The following EPHA6 variants were observed in gnomAD, a reference collection of about 807,000 sequenced individuals.
EPHA6 encodes the protein EPH receptor A6.
In EPHA6, 50 loss-of-function variants were observed where a neutral mutation model predicts 112.0. The observed-to-expected ratio is 0.45, with a 90% CI of 0.36 to 0.56. The LOEUF (loss-of-function observed/expected upper bound fraction) is 0.56, where lower values mean the gene tolerates loss of function less well. EPHA6 is among the 20% of genes least tolerant of loss of function. The pLI, the probability that EPHA6 is intolerant of heterozygous loss-of-function variation, is 0.00. For synonymous variants in EPHA6, 529 were observed against 490.7 expected (o/e 1.08, Z -1.03); for missense variants, 1,280 against 1,417.4 (o/e 0.90, Z 1.56).
At chr3:97,730,902 T>C (rs1398753428) in intron 15 of EPHA6, among the ~76,000 whole-genome samples, 1 of 152,110 alleles carries the variant, frequency 6.6e-6, no homozygotes, top group African/African-American at 2.4e-5. Flanking sequence ...ATGTTTTGTA[T>C]TGGCTGGAGC....
intron 14 of EPHA6, among the ~76,000 whole-genome samples, chr3:97,684,141 T>C (rs989046117): frequency 6.6e-6 from 1 of 152,204 alleles, no homozygotes; most frequent in Non-Finnish European, 1.5e-5. Flanking sequence ...TCACTGAGAA[T>C]GGATGCTACT....
intron 6 of EPHA6, among the ~76,000 whole-genome samples, chr3:97,443,773 T>G (rs1346936018): frequency 6.6e-6 from 1 of 152,184 alleles, no homozygotes. Flanking sequence ...CATATAAACA[T>G]AGTCTAATGA....
chr3:97,672,158 A>G (rs960914100), intron 14 of EPHA6, among the ~76,000 whole-genome samples: 3 of 152,228 alleles, frequency 2.0e-5, no homozygotes, highest in African/African-American at 7.2e-5. Flanking sequence ...GGACTAAATT[A>G]TATAATAAGT....
intron 5 of EPHA6, among the ~76,000 whole-genome samples, chr3:97,345,950 CA>C (rs892936647): frequency 3.3e-5 from 5 of 152,018 alleles, no homozygotes; most frequent in African/African-American, 1.2e-4. Flanking sequence ...TAACCTTTTT[CA>C]AGACTATCTT....
intron 16 of EPHA6, among the ~76,000 whole-genome samples, chr3:97,737,920 G>A (rs1226171851): frequency 6.6e-6 from 1 of 152,114 alleles, no homozygotes; most frequent in African/African-American, 2.4e-5. Flanking sequence ...CAGGAAAAGA[G>A]GGAAGAGCAG....
intron 11 of EPHA6, 138 bp downstream of exon 11, chr3:97,532,681 T>C: frequency 1.4e-6 from 1 of 706,378 alleles, no homozygotes; most frequent in East Asian, 2.9e-5. Flanking sequence ...CCTCAGAGAC[T>C]TGATCCTAGG....
At chr3:96,870,186 T>C (rs541845993) in intron 2 of EPHA6, among the ~76,000 whole-genome samples, 4 of 152,182 alleles carry the variant, frequency 2.6e-5, no homozygotes, top group African/African-American at 9.6e-5. Context: ...ATTTTGGGAA[T>C]TGGCTCACAT....
At chr3:97,042,690 GC>G (rs1216765028) in intron 3 of EPHA6, among the ~76,000 whole-genome samples, 1 of 152,114 alleles carries the variant, frequency 6.6e-6, no homozygotes. Context: ...TTTCGCTATA[GC>G]AGGCAAGGTT....
At chr3:96,890,148 G>A (rs1013087731) in intron 2 of EPHA6, among the ~76,000 whole-genome samples, 1 of 151,194 alleles carries the variant, frequency 6.6e-6, no homozygotes, top group Admixed American at 6.6e-5. Flanking sequence ...AAATATAAAC[G>A]ATATTACATA....
intron 5 of EPHA6, among the ~76,000 whole-genome samples, chr3:97,364,401 A>G (rs1233518485): frequency 1.3e-5 from 2 of 151,422 alleles, no homozygotes; most frequent in Admixed American, 6.6e-5. Context: ...TTCTGTTATA[A>G]GTATTTCAGG....
chr3:97,675,538 A>G (rs1216470315), intron 14 of EPHA6, among the ~76,000 whole-genome samples: 7 of 152,138 alleles, frequency 4.6e-5, no homozygotes, highest in African/African-American at 1.4e-4. Context: ...AAGAATCTAC[A>G]TAATATAATT....
At position 97,484,054 on chromosome 3, in the gene EPHA6, G is replaced by C. The variant is rs1424648528; in HGVS notation, c.2195G>C (p.Gly732Ala). The C allele has an allele frequency of 1.9e-6, 3 of 1,595,210 alleles. No homozygotes were observed. The Admixed American group carries it at 5.3e-5, about 28-fold the overall frequency. ...AGAATTCGTATTGAGAGAGTCATTG[G>C]GGCAGGTAAATGTCAAATCTACACT... is the stretch of plus-strand genomic sequence containing the variant. ...PSRIRIERVI[G>A]AGEFGEVCSG... Residue 732 changes from glycine to alanine, a missense_variant, in exon 10 of 18, where the codon GGG becomes GCG. Around this residue, in one of 4 missense-constraint regions of EPHA6, gnomAD observed 878 missense variants for 999.7 expected, o/e 0.88. Coordinates refer to ENST00000389672, the MANE Select transcript of EPHA6 (RefSeq NM_001080448.3).
At chr3:97,256,201 A>T (rs1463051838) in intron 5 of EPHA6, among the ~76,000 whole-genome samples, 1 of 151,986 alleles carries the variant, frequency 6.6e-6, no homozygotes, top group Non-Finnish European at 1.5e-5. Context: ...ACTAATTTTA[A>T]TTTTATTCTA....
chr3:97,476,828 A>G (rs911407958), intron 8 of EPHA6, among the ~76,000 whole-genome samples: 2 of 152,146 alleles, frequency 1.3e-5, no homozygotes, highest in East Asian at 1.9e-4. Context: ...AAGGCACTTT[A>G]CAACTATGTT....
At chr3:97,366,417 A>G (rs1361664777) in intron 5 of EPHA6, among the ~76,000 whole-genome samples, 1 of 152,210 alleles carries the variant, frequency 6.6e-6, no homozygotes. Flanking sequence ...TTTTTCAGCT[A>G]TGGAAGATTT....
chr3:97,010,986 G>A (rs948800981), intron 3 of EPHA6, among the ~76,000 whole-genome samples: 1 of 152,200 alleles, frequency 6.6e-6, no homozygotes, highest in Admixed American at 6.5e-5. Context: ...GTGCGTGTGT[G>A]TGTGTGTATT....
At chr3:97,268,767 A>G (rs574039721) in intron 5 of EPHA6, among the ~76,000 whole-genome samples, 2 of 152,326 alleles carry the variant, frequency 1.3e-5, no homozygotes, top group South Asian at 2.1e-4. Flanking sequence ...GCAGAGCTCT[A>G]TCTTTAGAGG....
chr3:97,030,270 C>A (rs1576353165), intron 3 of EPHA6, among the ~76,000 whole-genome samples: 2 of 152,194 alleles, frequency 1.3e-5, no homozygotes, highest in East Asian at 1.9e-4. Flanking sequence ...CTCATCAAAT[C>A]ATTTGCCATT....
At chr3:97,748,546 T>C in intron 17 of EPHA6, 41 bp from the exon 18 acceptor site, 1 of 957,550 alleles carries the variant, frequency 1.0e-6, no homozygotes, top group Non-Finnish European at 1.7e-6. Context: ...TCTTTCTTGC[T>C]CTCACTCTCG....
Sources: allele counts gnomAD v4.1 joint callset (sites outside exome capture counted in the v4.1 genomes callset), GRCh38; gene constraint gnomAD v4.1.1; regional missense constraint gnomAD v4.1.1; transcripts MANE v1.5; gene names NCBI Gene and HGNC (gene_info 2026-07-23, HGNC 2026-07-21).